HS6ST3: variants seen among roughly 807,000 people sequenced by gnomAD.
The protein encoded by HS6ST3 is heparan-sulfate 6-O-sulfotransferase 3.
Under a neutral mutation model 36.7 loss-of-function variants are expected in HS6ST3, and 12 were observed. The observed-to-expected ratio is 0.33, with a 90% CI of 0.21 to 0.53. The LOEUF is 0.53. HS6ST3 is among the 20% of genes least tolerant of loss of function. The pLI is 0.95. For missense variants in HS6ST3, 584 were observed against 640.9 expected (o/e 0.91, Z 0.96); for synonymous variants, 240 against 257.5 (o/e 0.93, Z 0.65).
intron 1 of HS6ST3, among the ~76,000 whole-genome samples, chr13:96,592,445 T>C (rs557176762): frequency 1.3e-5 from 2 of 152,270 alleles, no homozygotes; most frequent in African/African-American, 4.8e-5. Flanking sequence ...AAAGGATAGT[T>C]TACACACCAC....
chr13:96,223,141 A>T (rs1238658011), intron 1 of HS6ST3, among the ~76,000 whole-genome samples: 2 of 152,186 alleles, frequency 1.3e-5, no homozygotes, highest in African/African-American at 4.8e-5. Context: ...GAACAAAATA[A>T]TTTTTTCCAG....
intron 1 of HS6ST3, among the ~76,000 whole-genome samples, chr13:96,794,459 T>C (rs1044319903): frequency 6.6e-6 from 1 of 152,112 alleles, no homozygotes; most frequent in African/African-American, 2.4e-5. Context: ...TTAGATTTCC[T>C]GAATATTTGT....
At position 96,091,230 on chromosome 13, in the gene HS6ST3, T is replaced by A; in HGVS notation, c.368T>A (p.Phe123Tyr). ...CCGGAAAACGGCTCCCTGCCCCGAT[T>A]CGTGCCGCGCTTCAACTTCAGCCTG... ...EAPENGSLPR[F>Y]VPRFNFSLKD... is the part of the protein sequence containing the mutation. The change falls in exon 1 of 2, where the codon TTC becomes TAC. Residue 123 changes from phenylalanine (F) to tyrosine (Y), a missense_variant. Transcript: ENST00000376705. The A allele has an allele frequency of 6.3e-7, 1 of 1,586,524 alleles. No individual in the cohort carries two copies.
intron 1 of HS6ST3, among the ~76,000 whole-genome samples, chr13:96,767,150 G>A (rs180834818): frequency 6.6e-6 from 1 of 152,284 alleles, no homozygotes; most frequent in Admixed American, 6.5e-5. Context: ...CGTGATCTTT[G>A]TGTTTTATAT....
At chr13:96,449,700 A>G (rs1183587872) in intron 1 of HS6ST3, among the ~76,000 whole-genome samples, 1 of 152,242 alleles carries the variant, frequency 6.6e-6, no homozygotes, top group Non-Finnish European at 1.5e-5. Flanking sequence ...TAATCAGTGT[A>G]TATATTTAAA....
intron 1 of HS6ST3, among the ~76,000 whole-genome samples, chr13:96,387,399 A>T (rs1035277305): frequency 6.6e-6 from 1 of 152,154 alleles, no homozygotes; most frequent in Non-Finnish European, 1.5e-5. Flanking sequence ...CCCTTTCTCT[A>T]TATACTGGAT....
chr13:96,562,928 A>G (rs920473248), intron 1 of HS6ST3, among the ~76,000 whole-genome samples: 2 of 151,656 alleles, frequency 1.3e-5, no homozygotes, highest in East Asian at 3.9e-4. Context: ...GCAAATGCTG[A>G]GATGAGGGAT....
At chr13:96,303,166 G>C (rs1237386427) in intron 1 of HS6ST3, among the ~76,000 whole-genome samples, 1 of 152,174 alleles carries the variant, frequency 6.6e-6, no homozygotes, top group African/African-American at 2.4e-5. Flanking sequence ...TGAAAATACA[G>C]TTTCATATTA....
At chr13:96,279,094 C>T (rs1242791500) in intron 1 of HS6ST3, among the ~76,000 whole-genome samples, 1 of 152,044 alleles carries the variant, frequency 6.6e-6, no homozygotes, top group Non-Finnish European at 1.5e-5. Context: ...ATACATTAAA[C>T]CATCAGAGAG....
At chr13:96,176,814 T>C (rs117519658) in intron 1 of HS6ST3, among the ~76,000 whole-genome samples, 3,892 of 152,236 alleles carry the variant, frequency 0.026, 63 homozygotes, top group East Asian at 0.055. Flanking sequence ...CAAAAGAAAC[T>C]GTCAACAGTG....
chr13:96,480,287 T>C (rs2055884279), intron 1 of HS6ST3, among the ~76,000 whole-genome samples: 1 of 152,146 alleles, frequency 6.6e-6, no homozygotes, highest in African/African-American at 2.4e-5. Flanking sequence ...CTAATTTTTG[T>C]ATTTTTAGTA....
chr13:96,804,840 A>G (rs1039191220), intron 1 of HS6ST3, among the ~76,000 whole-genome samples: 1 of 152,194 alleles, frequency 6.6e-6, no homozygotes, highest in Admixed American at 6.5e-5. Context: ...TTTAGAACAC[A>G]GGAATTGTTC....
chr13:96,215,377 A>C (rs923476818), intron 1 of HS6ST3, among the ~76,000 whole-genome samples: 5 of 152,180 alleles, frequency 3.3e-5, no homozygotes, highest in African/African-American at 4.8e-5. Context: ...CATTCCATTA[A>C]ATTGAATTCT....
In HS6ST3 at chr13:96,756,152, G is replaced by A. The variant is rs143164706; in HGVS notation, c.708-76338G>A. Among the ~76,000 whole-genome samples the A allele has an allele frequency of 1.3e-4, 20 of 152,202 alleles. No homozygotes were observed. The East Asian group carries it at 3.9e-3, about 29-fold the overall frequency. ...CTTGGCCGATTGAGTATCTTCTTTT[G>A]TGACGTGTCTGTTCAAATCTTTCCC... On this transcript the variant is annotated intron_variant, in intron 1 of 1. Transcript: ENST00000376705.
intron 1 of HS6ST3, among the ~76,000 whole-genome samples, chr13:96,639,753 T>C (rs1454969479): frequency 6.6e-6 from 1 of 151,952 alleles, no homozygotes; most frequent in African/African-American, 2.4e-5. Flanking sequence ...CTTTATGTCC[T>C]CAAATACCCA....
intron 1 of HS6ST3, among the ~76,000 whole-genome samples, chr13:96,287,255 C>G (rs913284781): frequency 2.0e-5 from 3 of 152,126 alleles, no homozygotes; most frequent in African/African-American, 4.8e-5. Context: ...TTAAGGTATA[C>G]TTTCAAATGC....
chr13:96,514,829 A>C (rs761828938), intron 1 of HS6ST3, among the ~76,000 whole-genome samples: 16 of 152,214 alleles, frequency 1.1e-4, no homozygotes, highest in Admixed American at 2.6e-4. Context: ...TTATTCATCA[A>C]ACTGTTTGAC....
At chr13:96,341,956 A>G (rs1202836894) in intron 1 of HS6ST3, among the ~76,000 whole-genome samples, 1 of 152,150 alleles carries the variant, frequency 6.6e-6, no homozygotes, top group South Asian at 2.1e-4. Context: ...TTAAGTGTAC[A>G]TATCTTCAGT....
chr13:96,185,483 A>G (rs1334540130), intron 1 of HS6ST3, among the ~76,000 whole-genome samples: 4 of 152,214 alleles, frequency 2.6e-5, no homozygotes, highest in Admixed American at 1.3e-4. Flanking sequence ...CACACTTGTT[A>G]TTCTGTCTTG....
Sources: allele counts gnomAD v4.1 joint callset (sites outside exome capture counted in the v4.1 genomes callset), GRCh38; gene constraint gnomAD v4.1.1; transcripts MANE v1.5; gene names NCBI Gene and HGNC (gene_info 2026-07-23, HGNC 2026-07-21).